Variants in FARS2 observed in about 807,000 individuals in gnomAD.
FARS2 encodes the protein phenylalanine--tRNA ligase, mitochondrial.
In FARS2, 40 loss-of-function variants were observed where a neutral mutation model predicts 46.4. That is an observed-to-expected ratio of 0.86 (90% CI 0.67 to 1.12). The LOEUF (loss-of-function observed/expected upper bound fraction) is 1.12, where lower values mean the gene tolerates loss of function less well. Among genes scored for constraint, FARS2 ranks in the 50% most tolerant of loss-of-function variants. The probability of loss-of-function intolerance (pLI) is 0.00; values close to 1 mark genes in which losing one functional copy is unlikely to be tolerated. For missense variants in FARS2, 513 were observed against 567.9 expected, an observed-to-expected ratio of 0.90 and a Z score of 0.98; for synonymous variants, 234 against 214.9, an observed-to-expected ratio of 1.09 and a Z score of -0.78.
At chr6:5,405,298 C>T (rs946751322) in intron 3 of FARS2, among the ~76,000 whole-genome samples, 1 of 152,018 alleles carries the variant, frequency 6.6e-6, no homozygotes, top group Admixed American at 6.6e-5. Flanking sequence ...CGAAATGTTT[C>T]ACTTGTGGCT....
intron 4 of FARS2, among the ~76,000 whole-genome samples, chr6:5,464,589 C>G (rs1765413908): frequency 6.6e-6 from 1 of 152,176 alleles, no homozygotes; most frequent in Non-Finnish European, 1.5e-5. Flanking sequence ...TGAGAACATT[C>G]CTTAGTAGTG....
At chr6:5,399,127 T>TATTTTA (rs1202636806) in intron 2 of FARS2, among the ~76,000 whole-genome samples, 22 of 125,820 alleles carry the variant, frequency 1.7e-4, no homozygotes, top group African/African-American at 4.1e-4. Context: ...TTTATATTAT[T>TATTTTA]TTATTATTAT....
chr6:5,650,661 A>G (rs1777311826), intron 6 of FARS2, among the ~76,000 whole-genome samples: 1 of 152,034 alleles, frequency 6.6e-6, no homozygotes, highest in Non-Finnish European at 1.5e-5. Flanking sequence ...TTGTATTTTT[A>G]GTAGATGGGG....
At chr6:5,292,395 A>G (rs1037168265) in intron 1 of FARS2, among the ~76,000 whole-genome samples, 1 of 152,224 alleles carries the variant, frequency 6.6e-6, no homozygotes, top group Non-Finnish European at 1.5e-5. Flanking sequence ...ACTTCTGGTA[A>G]TCTCAGTGAG....
chr6:5,427,573 A>G (rs1046355907), intron 3 of FARS2, among the ~76,000 whole-genome samples: 2 of 152,168 alleles, frequency 1.3e-5, no homozygotes, highest in South Asian at 4.1e-4. Context: ...GTCTCATTAG[A>G]CACAACTTTT....
chr6:5,477,530 TATAAC>T (rs1163211075), intron 4 of FARS2, among the ~76,000 whole-genome samples: 1 of 152,192 alleles, frequency 6.6e-6, no homozygotes, highest in Non-Finnish European at 1.5e-5. Flanking sequence ...CTCCAGGACA[TATAAC>T]ATAGTGATTA....
chr6:5,373,083 C>A (rs1279525617), intron 2 of FARS2, among the ~76,000 whole-genome samples: 1 of 152,064 alleles, frequency 6.6e-6, no homozygotes, highest in Non-Finnish European at 1.5e-5. Context: ...TGGGAAGTCA[C>A]AATGAACAGC....
Position 5,503,130 on chromosome 6 carries a change from T to C in FARS2, c.905-42050T>C, listed in dbSNP as rs1767898214. ...TAAATTAAGAAAAGTGTAGCAGAAA[T>C]ATACCTGGATTGATGGTAAGATACA... On this transcript the variant is annotated intron_variant, in intron 4 of 6. Transcript: ENST00000274680. Among the ~76,000 whole-genome samples, 5 of 151,878 alleles carry C rather than the reference T, an allele frequency of 3.3e-5. No homozygotes were observed. The South Asian group carries it at 1.0e-3, about 32-fold the overall frequency.
intron 4 of FARS2, among the ~76,000 whole-genome samples, chr6:5,522,052 A>G (rs1769174132): frequency 6.6e-6 from 1 of 152,242 alleles, no homozygotes; most frequent in Non-Finnish European, 1.5e-5. Context: ...GCTGATTAAT[A>G]GTCAGGATAG....
intron 6 of FARS2, among the ~76,000 whole-genome samples, chr6:5,682,196 G>C (rs9504488): frequency 0.54 from 81,405 of 152,026 alleles, 22,394 homozygotes; most frequent in African/African-American, 0.63. Context: ...CTAGGTTGCA[G>C]CATCAAAAAG....
intron 2 of FARS2, among the ~76,000 whole-genome samples, chr6:5,376,920 G>A (rs768503237): frequency 7.2e-5 from 11 of 152,282 alleles, no homozygotes; most frequent in African/African-American, 1.7e-4. Flanking sequence ...AATCAAGGTC[G>A]TGATTATTTA....
At chr6:5,569,238 ATTTT>A (rs35999608) in intron 5 of FARS2, among the ~76,000 whole-genome samples, 1 of 142,552 alleles carries the variant, frequency 7.0e-6, no homozygotes, top group Non-Finnish European at 1.5e-5. Context: ...CAGGAGTATA[ATTTT>A]TTTTTTTTTT....
chr6:5,309,998 T>G (rs1446183034), intron 1 of FARS2, among the ~76,000 whole-genome samples: 1 of 152,104 alleles, frequency 6.6e-6, no homozygotes, highest in Non-Finnish European at 1.5e-5. Context: ...TAATTTAAGA[T>G]CTTGCTACAG....
intron 6 of FARS2, among the ~76,000 whole-genome samples, chr6:5,646,380 TTC>T (rs1330957402): frequency 6.6e-6 from 1 of 152,206 alleles, no homozygotes; most frequent in Non-Finnish European, 1.5e-5. Context: ...GTCACTCAGC[TTC>T]TGTGAACCTG....
At chr6:5,411,745 T>A (rs1044352921) in intron 3 of FARS2, among the ~76,000 whole-genome samples, 4 of 152,236 alleles carry the variant, frequency 2.6e-5, no homozygotes, top group African/African-American at 9.6e-5. Flanking sequence ...TGTACCAGCA[T>A]CCTAAGGCTA....
intron 1 of FARS2, among the ~76,000 whole-genome samples, chr6:5,355,121 A>G (rs756017316): frequency 1.3e-5 from 2 of 152,010 alleles, no homozygotes; most frequent in Non-Finnish European, 2.9e-5. Context: ...TTTGTATCCT[A>G]CTTCCTGTAG....
chr6:5,529,408 A>G (rs1019096708), intron 4 of FARS2, among the ~76,000 whole-genome samples: 2 of 152,098 alleles, frequency 1.3e-5, no homozygotes, highest in Admixed American at 6.5e-5. Context: ...CCTGGGTTCA[A>G]TCGATTCTCC....
At chr6:5,253,718 T>TC in the FARS2 span, among the ~76,000 whole-genome samples, 1 of 151,958 alleles carries the variant, frequency 6.6e-6, no homozygotes, top group African/African-American at 2.4e-5. Flanking sequence ...AAACTGATCC[T>TC]CTTACAATAC....
intron 4 of FARS2, among the ~76,000 whole-genome samples, chr6:5,510,540 C>T (rs950106311): frequency 6.6e-6 from 1 of 152,234 alleles, no homozygotes; most frequent in Non-Finnish European, 1.5e-5. Context: ...GCTTTGCACA[C>T]GGTGGGCACA....
Sources: gnomAD v4.1 joint callset for allele counts (sites outside exome capture counted in the v4.1 genomes callset) on GRCh38, gnomAD v4.1.1 for gene constraint, MANE v1.5 for transcripts, NCBI Gene and HGNC (gene_info 2026-07-23, HGNC 2026-07-21) for gene names.